The following NCOR1 variants were observed in gnomAD, a reference collection of about 807,000 sequenced individuals.
NCOR1 encodes protein phosphatase 1, regulatory subunit 109.
NCOR1 carries 63 observed loss-of-function variants against 288.1 expected under a neutral mutation model. The observed-to-expected ratio is 0.22, with a 90% confidence interval of 0.18 to 0.27. The LOEUF (loss-of-function observed/expected upper bound fraction) is 0.27. Ranked by LOEUF, NCOR1 falls within the 10% of genes least tolerant of loss-of-function variation. NCOR1 has a pLI of 1.00. For missense variants in NCOR1, 2,397 were observed against 3,019.2 expected, an observed-to-expected ratio of 0.79 and a Z score of 4.83; for synonymous variants, 1,007 against 1,065.9, an observed-to-expected ratio of 0.94 and a Z score of 1.08.
At position 16,101,619 on chromosome 17, in the gene NCOR1, G is replaced by A. The variant is rs2152997586; in HGVS notation, c.2321C>T (p.Pro774Leu). 6.2e-7 allele frequency: 1 copy of A among 1,614,170 alleles called. No individual in the cohort carries two copies. The highest frequency in any genetic ancestry group is 2.2e-5 in the East Asian group (1 of 44,884). Residue 774 changes from proline to leucine, a missense_variant, in exon 20 of 46, where the codon CCA becomes CTA. Pro to Leu is a moderately conservative substitution (Grantham distance 98). Transcript: ENST00000268712. ...GGTCTCCACACTTTCATCTTCAGCTGGTTTTGTACTTGGAACTGCTAAGGA... is the reference window on the plus strand; with the variant it reads ...GGTCTCCACACTTTCATCTTCAGCTAGTTTTGTACTTGGAACTGCTAAGGA... ...SPSLAVPSTK[P>L]AEDESVETQV...
intron 23 of NCOR1, among the ~76,000 whole-genome samples, chr17:16,083,224 C>T (rs1216953095): frequency 6.6e-6 from 1 of 150,860 alleles, no homozygotes; most frequent in African/African-American, 2.4e-5. Flanking sequence ...CAGAGCAAGA[C>T]TCTGTCTCAA....
At chr17:16,081,213 TG>T (rs758387809) in intron 23 of NCOR1, among the ~76,000 whole-genome samples, 2 of 115,574 alleles carry the variant, frequency 1.7e-5, no homozygotes, top group African/African-American at 5.3e-5. Context: ...GTTTTCTTTT[TG>T]TTTTTTTTTT....
At chr17:16,050,656 AGTT>A in intron 40 of NCOR1, among the ~76,000 whole-genome samples, 1 of 152,310 alleles carries the variant, frequency 6.6e-6, no homozygotes. Context: ...CAGCCCATCC[AGTT>A]GTTCAAGATA....
intron 5 of NCOR1, among the ~76,000 whole-genome samples, chr17:16,163,277 G>A (rs2081261555): frequency 6.6e-6 from 1 of 152,164 alleles, no homozygotes; most frequent in Non-Finnish European, 1.5e-5. Flanking sequence ...TACATCTGAT[G>A]AGGAACTAAT....
At chr17:16,060,126 T>C (rs1022722862) in intron 37 of NCOR1, among the ~76,000 whole-genome samples, 11 of 152,180 alleles carry the variant, frequency 7.2e-5, no homozygotes, top group African/African-American at 2.7e-4. Flanking sequence ...CCCTTCAGGA[T>C]GAGGAAGGTT....
intron 18 of NCOR1, among the ~76,000 whole-genome samples, chr17:16,114,652 C>T (rs1262444096): frequency 6.6e-6 from 1 of 152,212 alleles, no homozygotes; most frequent in Non-Finnish European, 1.5e-5. Context: ...AGTCCAAAAT[C>T]CAGCAGGGCA....
At chr17:16,094,313 TA>T (rs1454936144) in intron 21 of NCOR1, among the ~76,000 whole-genome samples, 65 of 152,216 alleles carry the variant, frequency 4.3e-4, no homozygotes, top group African/African-American at 1.5e-3. Context: ...AATCACTCAA[TA>T]AATGTCCATT....
rs771495604 is a variant in NCOR1, at chr17:16,075,520, C to T, written c.3670+14G>A. 3.7e-6 allele frequency: 6 copies of T among 1,612,402 alleles called. No homozygotes were observed. Among genetic ancestry groups the T allele is most frequent in the African/African-American group, 1.3e-5 (1 of 74,898 alleles). ...ATTGTAATACTGGCTTTGGTGCATA[C>T]ATACAATACTTACTATCATATGACA... is the stretch of plus-strand genomic sequence containing the variant. On this transcript the variant is annotated intron_variant, in intron 27 of 45. Coordinates refer to ENST00000268712, the MANE Select transcript of NCOR1 (RefSeq NM_006311.4).
intron 32 of NCOR1, among the ~76,000 whole-genome samples, chr17:16,066,839 CT>C (rs1472994509): frequency 6.6e-6 from 1 of 152,150 alleles, no homozygotes; most frequent in Non-Finnish European, 1.5e-5. Flanking sequence ...AGAATTCTTA[CT>C]TTTAAAATTT....
chr17:16,151,323 T>C (rs2078834609), intron 8 of NCOR1, among the ~76,000 whole-genome samples: 1 of 152,122 alleles, frequency 6.6e-6, no homozygotes, highest in African/African-American at 2.4e-5. Context: ...GGCCTGGTAC[T>C]AGGATGAGCA....
chr17:16,029,392 T>A lies in NCOR1; in HGVS notation c.*2904A>T, dbSNP rs947945383. On this transcript the variant is annotated 3_prime_UTR_variant, in exon 46 of 46. Coordinates refer to ENST00000268712, the MANE Select transcript of NCOR1 (RefSeq NM_006311.4). ...ATTGGTTAAAATCGTGTCATTAAAA[T>A]TTTTTAACTGTCCAATGGTCACTGG... is the stretch of plus-strand genomic sequence containing the variant. 9.0e-6 allele frequency: 3 copies of A among 333,304 alleles called. No individual in the cohort carries two copies. Among genetic ancestry groups the A allele is most frequent in the South Asian group, 2.5e-5 (1 of 40,324 alleles). The allele number at this position is 333,304 out of a possible 1,614,324, so 20.6% of individuals were successfully genotyped here.
intron 18 of NCOR1, among the ~76,000 whole-genome samples, chr17:16,117,175 A>C (rs2071797531): frequency 6.6e-6 from 1 of 152,152 alleles, no homozygotes; most frequent in African/African-American, 2.4e-5. Context: ...TAATATACCA[A>C]ATCAATTCAC....
Position 16,091,890 on chromosome 17 carries a change from A to T in NCOR1, c.2989T>A (p.Ser997Thr). ...TCCCACTCTCTGTTTGGACTCTTGGATGTGCCACATGGACTTGTAGAACTT... is the reference window on the plus strand; with the variant it reads ...TCCCACTCTCTGTTTGGACTCTTGGTTGTGCCACATGGACTTGTAGAACTT... ...CRSSTSPCGT[S>T]KSPNREWEVL... Residue 997 changes from serine (S) to threonine (T), a missense_variant, in exon 22 of 46, where the codon TCC becomes ACC. Around this residue, in one of 11 missense-constraint regions of NCOR1, gnomAD observed 1,872 missense variants for 2,187.8 expected, o/e 0.86. Transcript: ENST00000268712. 2.5e-6 allele frequency: 4 copies of T among 1,614,086 alleles called. No individual in the cohort carries two copies. Among genetic ancestry groups the T allele is most frequent in the Non-Finnish European group, 3.4e-6 (4 of 1,180,008 alleles).
chr17:16,111,279 A>C (rs2070098450), intron 18 of NCOR1, among the ~76,000 whole-genome samples: 2 of 152,192 alleles, frequency 1.3e-5, no homozygotes, highest in Admixed American at 1.3e-4. Flanking sequence ...CTTAATGTAA[A>C]GTCAAATATA....
chr17:16,082,320 CAG>C (rs1330420983), intron 23 of NCOR1, among the ~76,000 whole-genome samples: 3 of 152,074 alleles, frequency 2.0e-5, no homozygotes, highest in African/African-American at 7.2e-5. Flanking sequence ...ACATATGAAA[CAG>C]AGCAGGGAAC....
At chr17:16,132,927 C>T (rs2075866886) in intron 14 of NCOR1, among the ~76,000 whole-genome samples, 1 of 148,276 alleles carries the variant, frequency 6.7e-6, no homozygotes, top group Admixed American at 6.9e-5. Flanking sequence ...CCTTCTTCTT[C>T]TTCTTTTTTC....
chr17:16,039,919 T>C, intron 43 of NCOR1: 2 of 422,072 alleles, frequency 4.7e-6, no homozygotes, highest in South Asian at 2.1e-5. Flanking sequence ...GTCTCCCAAG[T>C]AGCTGGGACT....
At chr17:16,204,944 G>A (rs1027860060) in intron 1 of NCOR1, among the ~76,000 whole-genome samples, 2 of 152,236 alleles carry the variant, frequency 1.3e-5, no homozygotes, top group African/African-American at 4.8e-5. Flanking sequence ...AGTGAGGCCA[G>A]GCGCGTTGGC....
At chr17:16,046,675 T>C (rs1334161095) in intron 42 of NCOR1, among the ~76,000 whole-genome samples, 1 of 152,140 alleles carries the variant, frequency 6.6e-6, no homozygotes, top group African/African-American at 2.4e-5. Context: ...AAGTAAACTA[T>C]GGAGAGTTAA....
Sources: gnomAD v4.1 joint callset for allele counts (sites outside exome capture counted in the v4.1 genomes callset) on GRCh38, gnomAD v4.1.1 for gene constraint, gnomAD v4.1.1 regional missense constraint, MANE v1.5 for transcripts, NCBI Gene and HGNC (gene_info 2026-07-23, HGNC 2026-07-21) for gene names.